LRRTM4: variants seen among roughly 807,000 people sequenced by gnomAD.
The protein encoded by LRRTM4 is leucine-rich repeat transmembrane neuronal protein 4.
Under a neutral mutation model 47.6 loss-of-function variants are expected in LRRTM4, and 25 were observed. The observed-to-expected ratio is 0.53, with a 90% confidence interval of 0.38 to 0.73. LRRTM4 has a LOEUF of 0.73. Ranked by LOEUF, LRRTM4 falls within the 30% of genes least tolerant of loss-of-function variation. LRRTM4 has a pLI of 0.00. For missense variants in LRRTM4, 638 were observed against 713.4 expected (o/e 0.89, Z 1.20); for synonymous variants, 311 against 269.5 (o/e 1.15, Z -1.51).
At chr2:76,921,265 T>G (rs1407999698) in intron 3 of LRRTM4, among the ~76,000 whole-genome samples, 4 of 152,100 alleles carry the variant, frequency 2.6e-5, no homozygotes, top group African/African-American at 9.7e-5. Context: ...TTTTGGATTT[T>G]TCTAATGTTT....
chr2:77,465,988 C>T (rs1573452189), intron 3 of LRRTM4, among the ~76,000 whole-genome samples: 2 of 152,164 alleles, frequency 1.3e-5, no homozygotes, highest in South Asian at 2.1e-4. Context: ...TTTTGCTTAG[C>T]GATTATAATC....
chr2:76,794,584 C>T (rs548014494), intron 3 of LRRTM4, among the ~76,000 whole-genome samples: 2 of 152,274 alleles, frequency 1.3e-5, no homozygotes, highest in Admixed American at 6.5e-5. Flanking sequence ...ATTGATTTTA[C>T]TAACCAGGCA....
At chr2:77,339,131 A>AC (rs934165688) in intron 3 of LRRTM4, among the ~76,000 whole-genome samples, 1 of 151,896 alleles carries the variant, frequency 6.6e-6, no homozygotes, top group African/African-American at 2.4e-5. Context: ...GTTAAAAAAA[A>AC]ACCTACCTTT....
intron 3 of LRRTM4, among the ~76,000 whole-genome samples, chr2:77,006,181 C>G (rs1246932672): frequency 6.6e-6 from 1 of 152,046 alleles, no homozygotes; most frequent in African/African-American, 2.4e-5. Context: ...AAAGGACATT[C>G]GTTTCTTAAG....
At chr2:76,852,586 CT>C (rs1449312353) in intron 3 of LRRTM4, among the ~76,000 whole-genome samples, 1 of 152,050 alleles carries the variant, frequency 6.6e-6, no homozygotes, top group Non-Finnish European at 1.5e-5. Context: ...CTATACATTC[CT>C]TTTTATAAAA....
At chr2:77,422,975 T>C (rs1169076367) in intron 3 of LRRTM4, among the ~76,000 whole-genome samples, 1 of 152,098 alleles carries the variant, frequency 6.6e-6, no homozygotes, top group Non-Finnish European at 1.5e-5. Context: ...AGCAACAAAA[T>C]ATTCCATAAC....
intron 3 of LRRTM4, among the ~76,000 whole-genome samples, chr2:77,419,816 A>G (rs1013652535): frequency 6.6e-6 from 1 of 152,198 alleles, no homozygotes; most frequent in Non-Finnish European, 1.5e-5. Context: ...AAAAAAAGAA[A>G]ACTAAGATTA....
chr2:76,807,817 G>T (rs1314804974), intron 3 of LRRTM4, among the ~76,000 whole-genome samples: 2 of 151,812 alleles, frequency 1.3e-5, no homozygotes, highest in South Asian at 4.2e-4. Context: ...TCCTGACCTC[G>T]TGATCCGCCT....
At chr2:77,407,849 G>A (rs1415675078) in intron 3 of LRRTM4, among the ~76,000 whole-genome samples, 2 of 150,476 alleles carry the variant, frequency 1.3e-5, no homozygotes, top group Non-Finnish European at 3.0e-5. Context: ...TAACAGTCTT[G>A]CTCAGGTCAT....
intron 3 of LRRTM4, among the ~76,000 whole-genome samples, chr2:76,924,027 G>T (rs910669683): frequency 3.3e-5 from 5 of 152,006 alleles, no homozygotes; most frequent in African/African-American, 1.2e-4. Context: ...CTTTCTTGAG[G>T]AAGCTCTATT....
At chr2:77,140,514 T>A (rs559645635) in intron 3 of LRRTM4, among the ~76,000 whole-genome samples, 1 of 152,138 alleles carries the variant, frequency 6.6e-6, no homozygotes, top group African/African-American at 2.4e-5. Context: ...CCTAAAACCA[T>A]AAAAACCCTA....
At chr2:77,473,263 C>T (rs1020145981) in intron 3 of LRRTM4, among the ~76,000 whole-genome samples, 1 of 152,044 alleles carries the variant, frequency 6.6e-6, no homozygotes, top group Non-Finnish European at 1.5e-5. Flanking sequence ...GATGAATAAT[C>T]GTTATGCAAT....
chr2:77,126,978 T>C (rs1348130264), intron 3 of LRRTM4, among the ~76,000 whole-genome samples: 2 of 152,230 alleles, frequency 1.3e-5, no homozygotes. Context: ...TTTTTAATTC[T>C]TCCTCTGGCT....
intron 3 of LRRTM4, among the ~76,000 whole-genome samples, chr2:76,767,902 G>C (rs944461725): frequency 7.2e-5 from 11 of 152,170 alleles, no homozygotes; most frequent in African/African-American, 2.7e-4. Flanking sequence ...GCAGCAGAAA[G>C]AATCTATAAA....
intron 3 of LRRTM4, among the ~76,000 whole-genome samples, chr2:76,871,309 G>A (rs1054565745): frequency 1.3e-5 from 2 of 152,096 alleles, no homozygotes; most frequent in African/African-American, 4.8e-5. Context: ...TCAATCTTCT[G>A]ATATTACAGA....
At chr2:76,986,746 T>C (rs916648951) in intron 3 of LRRTM4, among the ~76,000 whole-genome samples, 2 of 151,958 alleles carry the variant, frequency 1.3e-5, no homozygotes, top group African/African-American at 2.4e-5. Context: ...TGATATTGTT[T>C]GTACTCTTGG....
intron 3 of LRRTM4, among the ~76,000 whole-genome samples, chr2:76,757,316 A>C: frequency 6.6e-6 from 1 of 152,154 alleles, no homozygotes; most frequent in African/African-American, 2.4e-5. Context: ...CAGTTATCCA[A>C]ATTTTAACTT....
At chr2:77,276,731 A>ATG in intron 3 of LRRTM4, among the ~76,000 whole-genome samples, 1 of 81,048 alleles carries the variant, frequency 1.2e-5, no homozygotes, top group South Asian at 4.5e-4. Flanking sequence ...ATATATATAT[A>ATG]TGTTTTCTTT....
intron 3 of LRRTM4, among the ~76,000 whole-genome samples, chr2:77,069,027 A>G (rs1680058956): frequency 5.3e-5 from 8 of 152,158 alleles, no homozygotes; most frequent in Admixed American, 5.2e-4. Flanking sequence ...CGTTTCCCAT[A>G]AGGTATACTT....
Sources: allele counts gnomAD v4.1 joint callset (sites outside exome capture counted in the v4.1 genomes callset), GRCh38; gene constraint gnomAD v4.1.1; transcripts MANE v1.5; gene names NCBI Gene and HGNC (gene_info 2026-07-23, HGNC 2026-07-21).